Variants in RBM26 observed in about 807,000 individuals in gnomAD.
RBM26 encodes the protein RNA-binding protein 26.
In RBM26, 30 loss-of-function variants were observed where a neutral mutation model predicts 123.6. The observed-to-expected ratio is 0.24, with a 90% CI of 0.18 to 0.33. The LOEUF (loss-of-function observed/expected upper bound fraction) is 0.33, where lower values mean the gene tolerates loss of function less well. Among genes scored for constraint, RBM26 ranks in the 10% least tolerant of loss-of-function variants. RBM26 has a pLI of 1.00. For synonymous variants in RBM26, 400 were observed against 404.4 expected (o/e 0.99, Z 0.13); for missense variants, 947 against 1,203.6 (o/e 0.79, Z 3.15).
intron 1 of RBM26, among the ~76,000 whole-genome samples, chr13:79,385,233 A>G (rs1380657112): frequency 6.6e-6 from 1 of 152,234 alleles, no homozygotes; most frequent in Non-Finnish European, 1.5e-5. Flanking sequence ...GAAAATTTTA[A>G]TTGTAGTTTA....
chr13:79,341,062 T>C (rs2071292694), intron 18 of RBM26, 61 bp downstream of exon 18: 3 of 896,478 alleles, frequency 3.3e-6, no homozygotes, highest in East Asian at 2.5e-5. Context: ...TATTTTTAAA[T>C]TGACCACTAC....
chr13:79,366,245 A>G, intron 7 of RBM26, 50 bp from the exon 8 acceptor site: 1 of 1,583,832 alleles, frequency 6.3e-7, no homozygotes, highest in Non-Finnish European at 8.6e-7. Context: ...AACAAATAAA[A>G]CAAGTTATTG....
At chr13:79,367,395 A>G (rs1408561674) in intron 6 of RBM26, among the ~76,000 whole-genome samples, 1 of 134,096 alleles carries the variant, frequency 7.5e-6, no homozygotes, top group Non-Finnish European at 1.6e-5. Context: ...GTATAGGGGG[A>G]GACTCCATCT....
chr13:79,365,536 T>A, intron 9 of RBM26, 42 bp downstream of exon 9: 1 of 1,522,370 alleles, frequency 6.6e-7, no homozygotes, highest in Non-Finnish European at 9.1e-7. Flanking sequence ...TCCCACTGTT[T>A]ATATTATGAA....
In RBM26 at chr13:79,376,504, A is replaced by T. The variant is rs770500323; in HGVS notation, c.327+875T>A. On this transcript the variant is annotated intron_variant, in intron 3 of 21. Coordinates refer to ENST00000438737, the MANE Select transcript of RBM26 (RefSeq NM_001366735.2). Reference sequence around the variant, plus strand: ...ATGAGCCACCACGCTCACCCTGGCCAAATTATAATCTTTTAACATCAAATT... The same window carrying T: ...ATGAGCCACCACGCTCACCCTGGCCTAATTATAATCTTTTAACATCAAATT... 3 of 152,316 alleles carry T rather than the reference A, an allele frequency of 2.0e-5. No individual in the cohort carries two copies. The East Asian group carries it at 5.8e-4, about 29-fold the overall frequency. The allele number at this position is 152,316 out of a possible 1,614,324, so 9.4% of individuals were successfully genotyped here.
intron 11 of RBM26, among the ~76,000 whole-genome samples, chr13:79,356,379 A>AC (rs989229066): frequency 1.6e-4 from 6 of 37,960 alleles, no homozygotes; most frequent in Non-Finnish European, 3.7e-4. Context: ...CAAAAAAAAA[A>AC]AAAAACAAAC....
intron 15 of RBM26, 140 bp downstream of exon 15, chr13:79,344,529 A>G: frequency 1.2e-6 from 1 of 854,196 alleles, no homozygotes; most frequent in Non-Finnish European, 1.8e-6. Context: ...ATTTACCGCT[A>G]TACTATGGAA....
At chr13:79,332,318 A>G (rs933158249) in intron 20 of RBM26, among the ~76,000 whole-genome samples, 1 of 152,126 alleles carries the variant, frequency 6.6e-6, no homozygotes, top group Non-Finnish European at 1.5e-5. Flanking sequence ...TTGTATTTTT[A>G]AAGTATTCTT....
intron 20 of RBM26, among the ~76,000 whole-genome samples, chr13:79,325,193 T>C (rs905434314): frequency 3.3e-5 from 5 of 152,194 alleles, no homozygotes; most frequent in African/African-American, 1.2e-4. Flanking sequence ...CGACTGTTAC[T>C]AGTTTACATA....
At chr13:79,350,788 ATTCT>A (rs909698123) in intron 14 of RBM26, among the ~76,000 whole-genome samples, 1 of 152,078 alleles carries the variant, frequency 6.6e-6, no homozygotes, top group Non-Finnish European at 1.5e-5. Flanking sequence ...ACATTCTTCT[ATTCT>A]TTCTAAGACT....
At chr13:79,312,570 T>G (rs2066923892) in exon 5 of RBM26, 1 of 152,028 alleles carries the variant, frequency 6.6e-6, no homozygotes, top group Non-Finnish European at 1.5e-5. Flanking sequence ...GATTACATAT[T>G]TTAGTATTAG....
chr13:79,347,904 G>GA (rs947972393), intron 14 of RBM26, among the ~76,000 whole-genome samples: 1 of 151,856 alleles, frequency 6.6e-6, no homozygotes, highest in African/African-American at 2.4e-5. Context: ...GTTAGCTGTA[G>GA]TTTTTTTTCT....
intron 1 of RBM26, among the ~76,000 whole-genome samples, chr13:79,392,086 TATATA>T (rs2078082514): frequency 4.4e-5 from 6 of 135,386 alleles, no homozygotes; most frequent in Non-Finnish European, 7.8e-5. Flanking sequence ...AATACATAAT[TATATA>T]ATAATGTATT....
chr13:79,398,734 T>C (rs1437101239), intron 1 of RBM26, among the ~76,000 whole-genome samples: 1 of 152,178 alleles, frequency 6.6e-6, no homozygotes, highest in Non-Finnish European at 1.5e-5. Flanking sequence ...ACTTAAGCTT[T>C]ACCTAAACTG....
intron 9 of RBM26, among the ~76,000 whole-genome samples, chr13:79,360,139 A>G (rs1343850977): frequency 1.3e-5 from 2 of 152,100 alleles, no homozygotes; most frequent in Non-Finnish European, 2.9e-5. Context: ...TAATTATTTC[A>G]TTTTATTATT....
Position 79,354,534 on chromosome 13 carries a change from C to G in RBM26, c.1891G>C (p.Val631Leu). 1 of 1,607,200 alleles carries G rather than the reference C, an allele frequency of 6.2e-7. No individual in the cohort carries two copies. The highest frequency in any genetic ancestry group is 8.5e-7 in the Non-Finnish European group (1 of 1,175,388). ...QPLVQQPILP[V>L]VKQSVKERLG... ...CGCTCTTTGACTGACTGCTTCACAA[C>G]AGGCAAAATGGGCTGCTGGACTAAA... The change falls in exon 13 of 22, where the codon GTT becomes CTT. Residue 631 changes from valine to leucine, a missense_variant. Val to Leu is a conservative substitution (Grantham distance 32, BLOSUM62 1). This residue lies in a region of RBM26 where 493 missense variants were observed against 563.1 expected (regional missense o/e 0.88). Coordinates refer to ENST00000438737, the MANE Select transcript of RBM26 (RefSeq NM_001366735.2).
chr13:79,329,873 C>T (rs996082894), intron 20 of RBM26, among the ~76,000 whole-genome samples: 1 of 151,998 alleles, frequency 6.6e-6, no homozygotes, highest in East Asian at 1.9e-4. Flanking sequence ...CTCTATCATT[C>T]GAAGAGCCAA....
chr13:79,346,485 T>G (rs1483021856), intron 14 of RBM26, among the ~76,000 whole-genome samples: 1 of 152,002 alleles, frequency 6.6e-6, no homozygotes, highest in African/African-American at 2.4e-5. Context: ...GCTCAAGTGA[T>G]CCTCAGCCTC....
At chr13:79,358,775 C>T (rs2074320372) in intron 10 of RBM26, among the ~76,000 whole-genome samples, 1 of 152,014 alleles carries the variant, frequency 6.6e-6, no homozygotes, top group Admixed American at 6.6e-5. Flanking sequence ...CTGTAAAAGT[C>T]AGCTTACTAA....
Sources: allele counts gnomAD v4.1 joint callset (sites outside exome capture counted in the v4.1 genomes callset), GRCh38; gene constraint gnomAD v4.1.1; regional missense constraint gnomAD v4.1.1; transcripts MANE v1.5; gene names NCBI Gene and HGNC (gene_info 2026-07-23, HGNC 2026-07-21).